The following RAB38 variants were observed in gnomAD, a reference collection of about 807,000 sequenced individuals.
The protein encoded by RAB38 is RAB38, member RAS oncogene family.
Under a neutral mutation model 18.4 loss-of-function variants are expected in RAB38, and 15 were observed. The ratio of observed to expected loss-of-function variants is 0.82; its 90% CI spans 0.55 to 1.26. The LOEUF (loss-of-function observed/expected upper bound fraction) is 1.26. Ranked by LOEUF, RAB38 falls within the 50% of genes most tolerant of loss-of-function variation. The probability of loss-of-function intolerance (pLI) is 0.00; values close to 1 mark genes in which losing one functional copy is unlikely to be tolerated. For missense variants in RAB38, 294 were observed against 267.4 expected (o/e 1.10, Z -0.69); for synonymous variants, 101 against 104.4 (o/e 0.97, Z 0.20).
chr11:88,124,597 G>T (rs971325959), intron 2 of RAB38, among the ~76,000 whole-genome samples: 28 of 152,178 alleles, frequency 1.8e-4, no homozygotes, highest in Admixed American at 1.7e-3. Context: ...AGAACCTGTC[G>T]ACCCAACCCT....
At chr11:87,866,583 C>A in the RAB38 span, among the ~76,000 whole-genome samples, 2 of 151,698 alleles carry the variant, frequency 1.3e-5, no homozygotes. Context: ...GACAGAACTA[C>A]CTTTTACCAA....
At chr11:88,153,070 G>A (rs1358677475) in intron 1 of RAB38, among the ~76,000 whole-genome samples, 1 of 152,224 alleles carries the variant, frequency 6.6e-6, no homozygotes, top group Non-Finnish European at 1.5e-5. Flanking sequence ...TATAATGGCT[G>A]CGGGAACTAT....
chr11:88,060,783 T>C, the RAB38 span, among the ~76,000 whole-genome samples: 1 of 152,170 alleles, frequency 6.6e-6, no homozygotes, highest in Non-Finnish European at 1.5e-5. Flanking sequence ...TTTCTCCAAA[T>C]ATTGTTCCAT....
the RAB38 span, among the ~76,000 whole-genome samples, chr11:88,013,847 T>A: frequency 6.6e-6 from 1 of 152,148 alleles, no homozygotes; most frequent in Non-Finnish European, 1.5e-5. Context: ...AAAGCAGACA[T>A]ACTGACATTA....
At chr11:88,163,415 C>T (rs1372688359) in intron 1 of RAB38, among the ~76,000 whole-genome samples, 1 of 152,102 alleles carries the variant, frequency 6.6e-6, no homozygotes, top group Non-Finnish European at 1.5e-5. Flanking sequence ...ACTGAACTTG[C>T]CATTTTTAAG....
chr11:87,874,201 A>G, the RAB38 span, among the ~76,000 whole-genome samples: 6 of 151,228 alleles, frequency 4.0e-5, no homozygotes, highest in African/African-American at 9.7e-5. Context: ...TCTATGACCT[A>G]TCTAGAATCA....
chr11:88,013,129 C>T, the RAB38 span, among the ~76,000 whole-genome samples: 6 of 152,028 alleles, frequency 3.9e-5, no homozygotes, highest in Non-Finnish European at 7.4e-5. Flanking sequence ...CTCAAAAGGC[C>T]TGTAGGTAAT....
intron 2 of RAB38, among the ~76,000 whole-genome samples, chr11:88,149,414 A>C (rs1943034144): frequency 6.6e-6 from 1 of 152,232 alleles, no homozygotes; most frequent in African/African-American, 2.4e-5. Flanking sequence ...AGACCTCAAA[A>C]GGCAAACATA....
At chr11:87,822,607 C>T in the RAB38 span, among the ~76,000 whole-genome samples, 8 of 152,186 alleles carry the variant, frequency 5.3e-5, no homozygotes, top group African/African-American at 1.9e-4. Flanking sequence ...TTACCATAGA[C>T]AGCTGGCTTT....
the RAB38 span, among the ~76,000 whole-genome samples, chr11:88,068,861 C>G: frequency 2.0e-5 from 3 of 152,222 alleles, no homozygotes; most frequent in Non-Finnish European, 2.9e-5. Context: ...ACATCAAGCT[C>G]TCCTGGGTAT....
At chr11:87,864,911 C>A in the RAB38 span, among the ~76,000 whole-genome samples, 6 of 151,922 alleles carry the variant, frequency 3.9e-5, no homozygotes, top group East Asian at 1.2e-3. Flanking sequence ...CTTAGCAGAA[C>A]ATCTATCCAG....
chr11:87,807,068 C>T, the RAB38 span, among the ~76,000 whole-genome samples: 1 of 152,092 alleles, frequency 6.6e-6, no homozygotes, highest in South Asian at 2.1e-4. Flanking sequence ...GGAGCGCGAA[C>T]TCTATTGTGA....
chr11:88,153,815 C>T (rs946513290), intron 1 of RAB38, among the ~76,000 whole-genome samples: 5 of 152,138 alleles, frequency 3.3e-5, no homozygotes, highest in Admixed American at 6.5e-5. Flanking sequence ...ACTGCTATTT[C>T]TTTTTTTCCC....
the RAB38 span, among the ~76,000 whole-genome samples, chr11:87,854,137 TTTG>T: frequency 1.3e-5 from 2 of 152,244 alleles, no homozygotes; most frequent in African/African-American, 4.8e-5. Flanking sequence ...AGGTTTTTGT[TTTG>T]TTTTGGTTTT....
chr11:87,954,982 T>C, the RAB38 span, among the ~76,000 whole-genome samples: 1 of 151,572 alleles, frequency 6.6e-6, no homozygotes, highest in African/African-American at 2.4e-5. Flanking sequence ...ATATACTAAG[T>C]AGCGGGTTGG....
chr11:88,055,758 G>A, the RAB38 span, among the ~76,000 whole-genome samples: 1 of 151,990 alleles, frequency 6.6e-6, no homozygotes, highest in Admixed American at 6.6e-5. Flanking sequence ...GAAGAATGAA[G>A]GAAAACGAAA....
intron 2 of RAB38, among the ~76,000 whole-genome samples, chr11:88,143,149 A>G (rs999054011): frequency 2.6e-5 from 4 of 152,224 alleles, no homozygotes; most frequent in Non-Finnish European, 4.4e-5. Flanking sequence ...ACATACCGCA[A>G]TGAGATCTTT....
chr11:88,035,160 T>TA, the RAB38 span, among the ~76,000 whole-genome samples: 1 of 152,196 alleles, frequency 6.6e-6, no homozygotes, highest in Non-Finnish European at 1.5e-5. Flanking sequence ...TATTTATTTT[T>TA]AAAAAAGTGG....
the RAB38 span, among the ~76,000 whole-genome samples, chr11:87,976,823 T>C: frequency 3.9e-5 from 3 of 76,310 alleles, no homozygotes; most frequent in African/African-American, 1.8e-4. Context: ...TATTATACAA[T>C]GTATAATATA....
Sources: gnomAD v4.1 joint callset for allele counts (sites outside exome capture counted in the v4.1 genomes callset) on GRCh38, gnomAD v4.1.1 for gene constraint, MANE v1.5 for transcripts, NCBI Gene and HGNC (gene_info 2026-07-23, HGNC 2026-07-21) for gene names.